EPS15: variants seen among roughly 807,000 people sequenced by gnomAD.
EPS15 encodes the protein epidermal growth factor receptor pathway substrate 15.
Under a neutral mutation model 113.8 loss-of-function variants are expected in EPS15, and 72 were observed. That is an observed-to-expected ratio of 0.63 (90% CI 0.52 to 0.77). The LOEUF is 0.77. Among genes scored for constraint, EPS15 ranks in the 30% least tolerant of loss-of-function variants. EPS15 has a pLI of 0.00. For missense variants in EPS15, 1,048 were observed against 1,045.8 expected, an observed-to-expected ratio of 1.00 and a Z score of -0.03; for synonymous variants, 344 against 363.4, an observed-to-expected ratio of 0.95 and a Z score of 0.61.
intron 1 of EPS15, among the ~76,000 whole-genome samples, chr1:51,503,520 T>G (rs1644448247): frequency 6.6e-6 from 1 of 152,120 alleles, no homozygotes; most frequent in South Asian, 2.1e-4. Flanking sequence ...CATGCGCCTG[T>G]AATCCCAGTT....
At chr1:51,447,901 A>T (rs905975130) in intron 9 of EPS15, 145 bp downstream of exon 9, 3 of 1,100,824 alleles carry the variant, frequency 2.7e-6, no homozygotes, top group East Asian at 3.0e-5. Flanking sequence ...GTACTTTGTT[A>T]AAAAAAAATC....
At chr1:51,395,722 A>C (rs1414750473) in intron 20 of EPS15, among the ~76,000 whole-genome samples, 2 of 152,246 alleles carry the variant, frequency 1.3e-5, no homozygotes, top group African/African-American at 2.4e-5. Context: ...CAAATTGTAT[A>C]TCTAGGAAGA....
At chr1:51,426,163 ACT>A (rs1250813482) in intron 12 of EPS15, among the ~76,000 whole-genome samples, 2 of 151,056 alleles carry the variant, frequency 1.3e-5, no homozygotes, top group African/African-American at 2.4e-5. Context: ...GTTCTGACCG[ACT>A]CTCTCTCCTT....
intron 21 of EPS15, among the ~76,000 whole-genome samples, chr1:51,392,131 A>C (rs1202537467): frequency 6.6e-6 from 1 of 152,234 alleles, no homozygotes; most frequent in Non-Finnish European, 1.5e-5. Flanking sequence ...ATATCAACAA[A>C]GGAGATTAAA....
At chr1:51,518,856 T>C (rs906626488) in intron 1 of EPS15, among the ~76,000 whole-genome samples, 4 of 151,506 alleles carry the variant, frequency 2.6e-5, no homozygotes, top group Non-Finnish European at 2.9e-5. Context: ...GGAAACTTCC[T>C]GGGTAGGTGA....
intron 1 of EPS15, among the ~76,000 whole-genome samples, chr1:51,489,840 G>A (rs1006119807): frequency 6.6e-6 from 1 of 152,096 alleles, no homozygotes; most frequent in African/African-American, 2.4e-5. Context: ...TCTCTACCAA[G>A]AGAACAATAT....
At chr1:51,518,209 T>C (rs1288582590) in intron 1 of EPS15, 1 of 152,436 alleles carries the variant, frequency 6.6e-6, no homozygotes, top group East Asian at 1.9e-4. Flanking sequence ...TACATTGTAA[T>C]TGGCTTCTTT....
chr1:51,490,213 C>T, intron 1 of EPS15: 1 of 414,070 alleles, frequency 2.4e-6, no homozygotes, highest in Non-Finnish European at 4.8e-6. Context: ...ACAAGATTCT[C>T]TAACACACAA....
chr1:51,451,432 A>G (rs1444183390), intron 8 of EPS15, among the ~76,000 whole-genome samples: 1 of 149,986 alleles, frequency 6.7e-6, no homozygotes, highest in Non-Finnish European at 1.5e-5. Flanking sequence ...TGGAGACTGC[A>G]ATGACCTGAG....
intron 21 of EPS15, among the ~76,000 whole-genome samples, chr1:51,386,062 T>TA (rs1557787353): frequency 6.6e-6 from 1 of 152,128 alleles, no homozygotes; most frequent in African/African-American, 2.4e-5. Context: ...TACCACAATT[T>TA]AAAAAAACTA....
rs34320767 is a variant in EPS15 at position 51,462,870 on chromosome 1, A to ATTTTTTTTTTT, written c.501+792_501+802dup. Among the ~76,000 whole-genome samples the ATTTTTTTTTTT allele has an allele frequency of 3.4e-3, 382 of 111,058 alleles. 8 individuals carry two copies. The highest frequency in any genetic ancestry group is 0.011 in the Middle Eastern group (2 of 188). The allele number at this position is 111,058 out of a possible 152,430, so 72.9% of individuals were successfully genotyped here. The stretch of plus-strand genomic sequence containing the variant: ...AAAAGAGGAAAAGTAAAAAAGTCAG[A>ATTTTTTTTTTT]TTTTTTTTTTTTTTTTTTTTTTTTT... On this transcript the variant is annotated intron_variant, in intron 7 of 24. Transcript: ENST00000371733.
At chr1:51,445,899 T>C (rs993851578) in intron 10 of EPS15, among the ~76,000 whole-genome samples, 1 of 152,222 alleles carries the variant, frequency 6.6e-6, no homozygotes, top group Non-Finnish European at 1.5e-5. Flanking sequence ...ACAGGATATA[T>C]AAAAAGCTTA....
At chr1:51,508,244 G>GAAAAGAAAAGAAAAGAAAAGAAAAGAAA (rs57780777) in intron 1 of EPS15, among the ~76,000 whole-genome samples, 4 of 48,580 alleles carry the variant, frequency 8.2e-5, no homozygotes, top group East Asian at 1.0e-3. Context: ...AAAAGAAAGA[G>GAAAAGAAAAGAAAAGAAAAGAAAAGAAA]AGAAAGAGAG....
chr1:51,366,029 G>A lies in EPS15; in HGVS notation c.2120C>T (p.Ala707Val), dbSNP rs146368495. ...GGTVVAASDSATDPFASVFGN... is the reference protein window; with the variant it reads ...GGTVVAASDSVTDPFASVFGN... ...AAAAACAGAAGCAAAGGGGTCTGTG[G>A]CTAAAATGAATAAAGAAAATAAATG... The change falls in exon 22 of 25, where the codon GCC becomes GTC. Residue 707 changes from alanine (A) to valine (V), a missense_variant and splice_region_variant. Coordinates refer to ENST00000371733, the MANE Select transcript of EPS15 (RefSeq NM_001981.3). 9.8e-5 allele frequency: 157 copies of A among 1,605,620 alleles called. No homozygotes were observed. In the East Asian group the frequency reaches 2.4e-3, roughly 24 times the overall value.
rs142090247 is a variant in EPS15, at chr1:51,498,520, T to C, written c.34-17206A>G. Among the ~76,000 whole-genome samples the C allele has an allele frequency of 3.6e-3, 547 of 152,256 alleles. 2 individuals are homozygous for C. The highest frequency in any genetic ancestry group is 0.012 in the African/African-American group (502 of 41,568). On this transcript the variant is annotated intron_variant, in intron 1 of 24. Transcript: ENST00000371733. ...CTTTGTATTAGATGATTTTGCCCAATTGTAGGCTAATGTAAGTGTTCTAAG... is the reference window on the plus strand; with the variant it reads ...CTTTGTATTAGATGATTTTGCCCAACTGTAGGCTAATGTAAGTGTTCTAAG...
chr1:51,420,838 C>T lies in EPS15; in HGVS notation c.1113+948G>A, dbSNP rs544669314. ...TAGCACAGTCCACCAGACAGACAAT[C>T]TCTAATGAATGTCCTGCATCAAAAC... On this transcript the variant is annotated intron_variant, in intron 13 of 24. Transcript: ENST00000371733. Among the ~76,000 whole-genome samples, 5 of 152,280 alleles carry T rather than the reference C, an allele frequency of 3.3e-5. No homozygotes were observed. The South Asian group carries it at 1.0e-3, about 32-fold the overall frequency.
At chr1:51,447,274 G>A (rs1407049277) in intron 9 of EPS15, among the ~76,000 whole-genome samples, 169 bp from the exon 10 acceptor site, 2 of 152,140 alleles carry the variant, frequency 1.3e-5, no homozygotes, top group East Asian at 3.8e-4. Context: ...ATGCTGTGGG[G>A]AAGAGAAAAT....
intron 19 of EPS15, 87 bp from the exon 20 acceptor site, chr1:51,399,252 A>G: frequency 7.7e-7 from 1 of 1,293,542 alleles, no homozygotes; most frequent in Non-Finnish European, 1.1e-6. Flanking sequence ...CAGTGCCTTA[A>G]TTAAAAGACA....
In EPS15 at chr1:51,461,168, T is replaced by A. The variant is rs1370923983; in HGVS notation, c.502-18A>T. 1 of 1,533,152 alleles carries A rather than the reference T, an allele frequency of 6.5e-7. No individual in the cohort carries two copies. Among genetic ancestry groups the A allele is most frequent in the Admixed American group, 1.7e-5 (1 of 59,596 alleles). The allele number at this position is 1,533,152 out of a possible 1,614,324, so 95.0% of individuals were successfully genotyped here. A position where few individuals can be genotyped will look rare whatever the true frequency, so the allele number is the denominator to read the frequency against. On this transcript the variant is annotated intron_variant, in intron 7 of 24. Transcript: ENST00000371733. ...TCCCAAACCTTAAAAAGAGAATAAT[T>A]GAAAAAAGATTAATGTTCTTTCAGT...
Sources: allele counts gnomAD v4.1 joint callset (sites outside exome capture counted in the v4.1 genomes callset), GRCh38; gene constraint gnomAD v4.1.1; transcripts MANE v1.5; gene names NCBI Gene and HGNC (gene_info 2026-07-23, HGNC 2026-07-21).